Variants in PCDHA3 observed in about 807,000 individuals in gnomAD.
PCDHA3 encodes the protein protocadherin alpha-3.
A neutral mutation model predicts 62.2 loss-of-function variants in PCDHA3; 41 were observed. The ratio of observed to expected loss-of-function variants is 0.66; its 90% CI spans 0.51 to 0.86. PCDHA3 has a LOEUF of 0.86. PCDHA3 is among the 40% of genes least tolerant of loss of function. The pLI, the probability that PCDHA3 is intolerant of heterozygous loss-of-function variation, is 0.00. For synonymous variants in PCDHA3, 640 were observed against 555.4 expected, an observed-to-expected ratio of 1.15 and a Z score of -2.14; for missense variants, 1,304 against 1,241.2, an observed-to-expected ratio of 1.05 and a Z score of -0.76.
At chr5:140,849,996 G>A (rs2150462323) in intron 1 of PCDHA3, 4 of 1,597,014 alleles carry the variant, frequency 2.5e-6, no homozygotes, top group African/African-American at 2.7e-5. Flanking sequence ...GCGGTTGGGC[G>A]AGCGCTCGCT....
At chr5:140,836,267 T>C in intron 1 of PCDHA3, 1 of 1,613,696 alleles carries the variant, frequency 6.2e-7, no homozygotes, top group Non-Finnish European at 8.5e-7. Flanking sequence ...GGCTGTACAC[T>C]GGTGAGATCA....
intron 3 of PCDHA3, among the ~76,000 whole-genome samples, chr5:140,990,272 C>A (rs568200508): frequency 6.6e-6 from 1 of 152,196 alleles, no homozygotes; most frequent in African/African-American, 2.4e-5. Flanking sequence ...CAATGTACCC[C>A]GGGTCTTGAG....
At chr5:140,965,402 G>A (rs1554227671) in intron 1 of PCDHA3, among the ~76,000 whole-genome samples, 1 of 152,112 alleles carries the variant, frequency 6.6e-6, no homozygotes, top group Non-Finnish European at 1.5e-5. Context: ...AGTCTAAGGA[G>A]TCTTATATTT....
intron 1 of PCDHA3, chr5:140,843,413 G>C: frequency 1.3e-6 from 2 of 1,596,100 alleles, no homozygotes; most frequent in South Asian, 1.1e-5. Context: ...GGATGTCAAC[G>C]TGTACCTGAT....
In PCDHA3 at chr5:140,803,000, A is replaced by G. The variant is rs782428262; in HGVS notation, c.1803A>G (p.Ser601=). 5.0e-6 allele frequency: 8 copies of G among 1,613,894 alleles called. No individual in the cohort carries two copies. Among genetic ancestry groups the G allele is most frequent in the African/African-American group, 4.0e-5 (3 of 74,946 alleles). Residue 601 remains serine, a synonymous_variant, in exon 1 of 4, where the codon TCA becomes TCG. Transcript: ENST00000522353. The part of the protein sequence containing the change: ...VAKVRAVDAD[S]GYNAWLSYEL... Reference sequence around the variant, plus strand: ...AGGTGCGCGCAGTGGATGCAGACTCAGGCTACAACGCGTGGCTTTCGTATG... The same window carrying G: ...AGGTGCGCGCAGTGGATGCAGACTCGGGCTACAACGCGTGGCTTTCGTATG...
At chr5:140,868,969 T>G (rs986271383) in intron 1 of PCDHA3, 1 of 1,450,578 alleles carries the variant, frequency 6.9e-7, no homozygotes, top group South Asian at 1.4e-5. Flanking sequence ...ACAAAGGAAC[T>G]CCATCATACC....
At chr5:140,876,361 C>A in intron 1 of PCDHA3, 1 of 1,613,880 alleles carries the variant, frequency 6.2e-7, no homozygotes. Flanking sequence ...TTCAATAAAT[C>A]CAGACACAGG....
intron 3 of PCDHA3, 32 bp from the exon 4 acceptor site, chr5:141,009,595 C>T (rs781807814): frequency 6.2e-7 from 1 of 1,604,124 alleles, no homozygotes; most frequent in Admixed American, 1.7e-5. Context: ...TGTGTTGACC[C>T]TGTTAATGAT....
intron 1 of PCDHA3, chr5:140,866,969 G>A (rs533294537): frequency 6.6e-6 from 1 of 152,230 alleles, no homozygotes; most frequent in South Asian, 2.1e-4. Context: ...GGTGACATCT[G>A]AAATATCACA....
In PCDHA3 at chr5:140,802,919, T is replaced by C. The variant is rs1763062149; in HGVS notation, c.1722T>C (p.Gly574=). ...TGATGCCTCGGGTGGGTGGCATCGG[T>C]GGCGCAGTGAGCGAGCTGGTGCCGC... ...ALLMPRVGGI[G]GAVSELVPRS... is the part of the protein sequence containing the mutation. The change falls in exon 1 of 4, where the codon GGT becomes GGC. Residue 574 remains glycine, a synonymous_variant. Transcript: ENST00000522353. 5 of 1,613,736 alleles carry C rather than the reference T, an allele frequency of 3.1e-6. No homozygotes were observed. The highest frequency in any genetic ancestry group is 4.2e-6 in the Non-Finnish European group (5 of 1,179,874).
chr5:140,985,900 C>A (rs896937826), intron 3 of PCDHA3, among the ~76,000 whole-genome samples: 2 of 151,872 alleles, frequency 1.3e-5, no homozygotes, highest in Non-Finnish European at 2.9e-5. Context: ...CCACCACTCC[C>A]GTCTAATTTT....
intron 1 of PCDHA3, chr5:140,848,130 C>T (rs1423427149): frequency 5.3e-6 from 1 of 190,174 alleles, no homozygotes. Flanking sequence ...CAAGGTCATA[C>T]AAAACTTTTA....
rs782131708 is a variant in PCDHA3, at chr5:140,869,055, G to A, written c.2394+65464G>A. The A allele has an allele frequency of 1.9e-6, 3 of 1,547,114 alleles. No homozygotes were observed. In the South Asian group the frequency reaches 3.8e-5, roughly 20 times the overall value. ...TTTTTAACCTGAAACTGAAGAATCTGGTACTGTAAGTGTAAAGAAGCTTAT... is the reference window on the plus strand; with the variant it reads ...TTTTTAACCTGAAACTGAAGAATCTAGTACTGTAAGTGTAAAGAAGCTTAT... On this transcript the variant is annotated intron_variant, in intron 1 of 3. Coordinates refer to ENST00000522353, the MANE Select transcript of PCDHA3 (RefSeq NM_018906.3).
intron 1 of PCDHA3, among the ~76,000 whole-genome samples, chr5:140,826,906 A>T (rs1769110071): frequency 6.6e-6 from 1 of 152,170 alleles, no homozygotes; most frequent in African/African-American, 2.4e-5. Context: ...TAAATATGAT[A>T]GCATGTGAAA....
At chr5:140,859,812 C>T (rs1238470034) in intron 1 of PCDHA3, 3 of 152,286 alleles carry the variant, frequency 2.0e-5, no homozygotes, top group African/African-American at 7.3e-5. Flanking sequence ...TAAGTTAATG[C>T]AGAGTTTAGA....
At chr5:141,004,573 G>A (rs2098171340) in intron 3 of PCDHA3, among the ~76,000 whole-genome samples, 1 of 152,220 alleles carries the variant, frequency 6.6e-6, no homozygotes, top group South Asian at 2.1e-4. Context: ...ATATCTCTGT[G>A]TTCTGCATCT....
chr5:140,955,571 G>A (rs1371078633), intron 1 of PCDHA3, among the ~76,000 whole-genome samples: 2 of 152,158 alleles, frequency 1.3e-5, no homozygotes, highest in Non-Finnish European at 2.9e-5. Flanking sequence ...ACTGAACTGT[G>A]AGTCAATTAA....
At chr5:140,884,130 C>G (rs1554181258) in intron 1 of PCDHA3, 4 of 1,613,434 alleles carry the variant, frequency 2.5e-6, no homozygotes, top group African/African-American at 1.3e-5. Context: ...GCGCGCATCC[C>G]GTTCCGCGTG....
At chr5:140,849,200 C>A (rs2150432715) in intron 1 of PCDHA3, 44 of 1,040,882 alleles carry the variant, frequency 4.2e-5, no homozygotes, top group Non-Finnish European at 5.3e-5. Context: ...TACTGGACAA[C>A]AATGACAATG....
Sources: allele counts gnomAD v4.1 joint callset (sites outside exome capture counted in the v4.1 genomes callset), GRCh38; gene constraint gnomAD v4.1.1; transcripts MANE v1.5; gene names NCBI Gene and HGNC (gene_info 2026-07-23, HGNC 2026-07-21).